Variants in FGF13 observed in about 807,000 individuals in gnomAD.
FGF13 encodes fibroblast growth factor homologous factor 2.
In FGF13, 2 loss-of-function variants were observed where a neutral mutation model predicts 19.5. The ratio of observed to expected loss-of-function variants is 0.10; its 90% CI spans 0.04 to 0.32. The LOEUF is 0.32. Among genes scored for constraint, FGF13 ranks in the 10% least tolerant of loss-of-function variants. FGF13 has a pLI of 1.00. For synonymous variants in FGF13, 72 were observed against 76.9 expected, an observed-to-expected ratio of 0.94 and a Z score of 0.33; for missense variants, 113 against 192.7, an observed-to-expected ratio of 0.59 and a Z score of 2.45.
At chrX:138,966,642 G>A (rs1230805807) in intron 1 of FGF13, among the ~76,000 whole-genome samples, 1 of 111,786 alleles carries the variant, frequency 8.9e-6, no homozygotes, top group African/African-American at 3.3e-5. Context: ...TCTCAGATAA[G>A]ACTTTGGACT....
chrX:138,908,237 A>T (rs1265295410), intron 1 of FGF13, among the ~76,000 whole-genome samples: 2 of 104,653 alleles, frequency 1.9e-5, no homozygotes, highest in Admixed American at 1.0e-4. Flanking sequence ...CGCCCGGCTA[A>T]ATTTTTTTTT....
At chrX:139,098,528 A>G (rs2124455098) in intron 1 of FGF13, among the ~76,000 whole-genome samples, 1 of 111,755 alleles carries the variant, frequency 8.9e-6, no homozygotes, top group Admixed American at 9.5e-5. Flanking sequence ...TGGTACATAT[A>G]CACCATGGAA....
chrX:138,755,913 T>C (rs769870812), intron 3 of FGF13, among the ~76,000 whole-genome samples: 8 of 111,770 alleles, frequency 7.2e-5, no homozygotes, highest in Non-Finnish European at 1.3e-4. Context: ...TTTATAGAGG[T>C]GATTAAGTTA....
At chrX:139,114,981 T>C (rs2083628775) in intron 1 of FGF13, among the ~76,000 whole-genome samples, 2 of 112,133 alleles carry the variant, frequency 1.8e-5, no homozygotes, top group Admixed American at 9.5e-5. Context: ...ATTATACAGA[T>C]ACATTTTCAT....
At chrX:138,855,005 TA>T (rs1213719976), downstream of FGF13, among the ~76,000 whole-genome samples, 597 of 100,484 alleles carry the variant, frequency 5.9e-3, 2 homozygotes, top group Admixed American at 5.8e-3. Context: ...ATCCATTTGT[TA>T]AAAAAAAAAA....
intron 1 of FGF13, among the ~76,000 whole-genome samples, chrX:139,046,849 TA>T (rs1484291344): frequency 9.0e-6 from 1 of 111,489 alleles, no homozygotes; most frequent in Non-Finnish European, 1.9e-5. Context: ...GGTTGAACAA[TA>T]AAGGGTTAAA....
At chrX:139,135,550 A>T (rs1443507257) in intron 1 of FGF13, among the ~76,000 whole-genome samples, 1 of 112,138 alleles carries the variant, frequency 8.9e-6, no homozygotes, top group East Asian at 2.8e-4. Context: ...TTGCTAATTT[A>T]GATCACATAT....
At chrX:138,723,003 C>T (rs1485215213) in intron 1 of FGF13, among the ~76,000 whole-genome samples, 1 of 111,739 alleles carries the variant, frequency 8.9e-6, no homozygotes, top group Non-Finnish European at 1.9e-5. Context: ...CTGTTATTAG[C>T]TTTATGTTAT....
intron 1 of FGF13, among the ~76,000 whole-genome samples, chrX:139,028,840 A>G (rs1234506170): frequency 9.1e-6 from 1 of 109,779 alleles, no homozygotes; most frequent in African/African-American, 3.3e-5. Context: ...GCTTTTTTTA[A>G]GTAAAATAAG....
intron 1 of FGF13, among the ~76,000 whole-genome samples, chrX:139,064,578 C>T (rs959677717): frequency 9.0e-6 from 1 of 111,053 alleles, no homozygotes; most frequent in Non-Finnish European, 1.9e-5. Context: ...GTGGGTAACC[C>T]GACCTTTCTC....
At chrX:139,189,434 T>C (rs923025810) in intron 1 of FGF13, among the ~76,000 whole-genome samples, 1 of 111,518 alleles carries the variant, frequency 9.0e-6, no homozygotes, top group African/African-American at 3.3e-5. Context: ...GGTCTATATA[T>C]ACAATGTAAT....
At chrX:139,003,125 A>T (rs1012553938) in intron 1 of FGF13, among the ~76,000 whole-genome samples, 52 of 112,030 alleles carry the variant, frequency 4.6e-4, no homozygotes, top group African/African-American at 1.6e-3. Flanking sequence ...ACAGCTCTTA[A>T]GATGGCGCGT....
intron 1 of FGF13, among the ~76,000 whole-genome samples, chrX:138,966,738 A>C (rs1057031786): frequency 9.0e-6 from 1 of 111,406 alleles, no homozygotes; most frequent in African/African-American, 3.3e-5. Context: ...TGAGGACATG[A>C]GATCTGGGAG....
At chrX:138,912,721 A>T (rs2091594706) in intron 1 of FGF13, among the ~76,000 whole-genome samples, 1 of 111,713 alleles carries the variant, frequency 9.0e-6, no homozygotes, top group African/African-American at 3.3e-5. Flanking sequence ...TATGATTAAC[A>T]TCATGGATTT....
At chrX:138,915,778 C>T (rs1346606718) in intron 1 of FGF13, among the ~76,000 whole-genome samples, 1 of 111,777 alleles carries the variant, frequency 8.9e-6, no homozygotes, top group Non-Finnish European at 1.9e-5. Flanking sequence ...ACTACTTAAA[C>T]CTCTCCATTT....
intron 1 of FGF13, among the ~76,000 whole-genome samples, chrX:138,893,202 C>T (rs2091486229): frequency 9.0e-6 from 1 of 111,473 alleles, no homozygotes. Flanking sequence ...CTGGCTTTCC[C>T]TGGTGACATC....
chrX:139,149,245 T>C (rs2083914283), intron 1 of FGF13, among the ~76,000 whole-genome samples: 1 of 112,250 alleles, frequency 8.9e-6, no homozygotes, highest in African/African-American at 3.2e-5. Flanking sequence ...ATCATTAATT[T>C]GCACCATTTC....
In FGF13 at chrX:139,014,571, C is replaced by G. The variant is rs1157900969; in HGVS notation, c.-112-149921G>C. Among the ~76,000 whole-genome samples the G allele has an allele frequency of 1.8e-4, 20 of 111,158 alleles. No individual in the cohort carries two copies. In the Admixed American group the frequency reaches 1.9e-3, roughly 11 times the overall value. On this transcript the variant is annotated intron_variant, in intron 1 of 2. Coordinates refer to the FGF13 transcript ENST00000421460. ...ATCCAAAACTTGTACAGACAAATAA[C>G]AGGTAAAGAGATTTAAGCCATATTG...
Position 138,711,207 on chromosome X carries a change from G to C in FGF13, c.-204C>G, listed in dbSNP as rs1356967255. ...GTCCGAGCTCCTCCGGCGGCGGTCC[G>C]GCTCCCGCGCGGGCTGCTGGCTGCC... On this transcript the variant is annotated 5_prime_UTR_variant, in exon 1 of 5. Transcript: ENST00000315930. 1.1e-5 allele frequency: 12 copies of C among 1,061,349 alleles called. No individual in the cohort carries two copies. The highest frequency in any genetic ancestry group is 1.4e-5 in the Non-Finnish European group (12 of 828,069). The allele number at this position is 1,061,349 out of a possible 1,213,427, so 87.5% of individuals were successfully genotyped here.
Sources: allele counts gnomAD v4.1 joint callset (sites outside exome capture counted in the v4.1 genomes callset), GRCh38; gene constraint gnomAD v4.1.1; transcripts MANE v1.5; gene names NCBI Gene and HGNC (gene_info 2026-07-23, HGNC 2026-07-21).